Variants in SP100 observed in about 807,000 individuals in gnomAD.
The protein encoded by SP100 is nuclear autoantigen Sp-100.
Under a neutral mutation model 130.0 loss-of-function variants are expected in SP100, and 84 were observed. That is an observed-to-expected ratio of 0.65 (90% CI 0.54 to 0.77). The LOEUF is 0.77. SP100 is among the 30% of genes least tolerant of loss of function. SP100 has a pLI of 0.00. For missense variants in SP100, 978 were observed against 1,052.2 expected, an observed-to-expected ratio of 0.93 and a Z score of 0.97; for synonymous variants, 331 against 351.7, an observed-to-expected ratio of 0.94 and a Z score of 0.66.
chr2:230,497,488 GGAGGAGAGGAGAGGA>G lies in SP100; in HGVS notation c.1646-927_1646-913del, dbSNP rs1201615462. 3.3e-3 allele frequency among the ~76,000 whole-genome samples: 106 copies of G among 32,464 alleles called. 2 individuals carry two copies. The highest frequency in any genetic ancestry group is 5.8e-3 in the African/African-American group (41 of 7,080). The allele number at this position is 32,464 out of a possible 152,430, so 21.3% of individuals were successfully genotyped here. A position where few individuals can be genotyped will look rare whatever the true frequency, so the allele number is the denominator to read the frequency against. On this transcript the variant is annotated intron_variant, in intron 18 of 28. Transcript: ENST00000340126. ...GGGAAGGAGGGGAGGGGAGGGGAGG[GGAGGAGAGGAGAGGA>G]GAGGAGAGGAGAGGAGAGGAGAGGA...
At chr2:230,439,559 G>GTTGTTA (rs1344383881) in intron 2 of SP100, among the ~76,000 whole-genome samples, 4 of 151,674 alleles carry the variant, frequency 2.6e-5, no homozygotes, top group African/African-American at 9.7e-5. Context: ...TTTTGTTGTT[G>GTTGTTA]TTGTTGTTGT....
intron 24 of SP100, chr2:230,520,694 T>A (rs1281378854): frequency 6.6e-6 from 1 of 152,194 alleles, no homozygotes; most frequent in Non-Finnish European, 1.5e-5. Context: ...ATAAATAATT[T>A]GATAACAGTT....
chr2:230,453,792 C>T (rs62193410), intron 8 of SP100, among the ~76,000 whole-genome samples: 13,711 of 152,198 alleles, frequency 0.09, 702 homozygotes, highest in Non-Finnish European at 0.1. Context: ...GCTTTGGTAT[C>T]AGGGTAATGC....
intron 18 of SP100, among the ~76,000 whole-genome samples, chr2:230,496,416 A>G (rs190533733): frequency 6.6e-6 from 1 of 152,270 alleles, no homozygotes; most frequent in African/African-American, 2.4e-5. Context: ...TTTCATCCAC[A>G]CTTCCTCTCC....
chr2:230,455,769 A>T (rs2064244263), intron 8 of SP100, among the ~76,000 whole-genome samples: 1 of 152,004 alleles, frequency 6.6e-6, no homozygotes, highest in South Asian at 2.1e-4. Context: ...ATTCCTCTTT[A>T]TCTTTTGTGT....
At chr2:230,432,508 T>A (rs575082037) in intron 2 of SP100, among the ~76,000 whole-genome samples, 2 of 152,300 alleles carry the variant, frequency 1.3e-5, no homozygotes, top group African/African-American at 4.8e-5. Flanking sequence ...AGGGTTCAAG[T>A]TTTGCTAAAA....
chr2:230,473,369 T>C lies in SP100; in HGVS notation c.1475T>C (p.Met492Thr), dbSNP rs2065371091. 6.2e-7 allele frequency: 1 copy of C among 1,613,992 alleles called. No individual in the cohort carries two copies. The highest frequency in any genetic ancestry group is 1.7e-5 in the Admixed American group (1 of 60,018). Residue 492 changes from methionine (M) to threonine (T), a missense_variant, in exon 16 of 29, where the codon ATG becomes ACG. By Grantham distance (81) the Met-to-Thr change is moderately conservative. Transcript: ENST00000340126. ...GAAAATAAGAAGTGCTCCTGTGTCA[T>C]GTGTTTTCCAAAAGGTGTGCCAAGA... ...EPENKKCSCV[M>T]CFPKGVPRSQ...
At chr2:230,429,265 A>C (rs1032550248) in intron 2 of SP100, among the ~76,000 whole-genome samples, 1 of 152,178 alleles carries the variant, frequency 6.6e-6, no homozygotes, top group Non-Finnish European at 1.5e-5. Context: ...AGCATTTTGA[A>C]CATATCACCC....
intron 2 of SP100, 149 bp downstream of exon 2, chr2:230,417,814 T>C (rs2062654091): frequency 8.2e-7 from 1 of 1,216,892 alleles, no homozygotes; most frequent in South Asian, 1.8e-5. Flanking sequence ...GTTGAGGTGT[T>C]TGTCCTTTTT....
At chr2:230,430,741 T>G (rs1289788077) in intron 2 of SP100, among the ~76,000 whole-genome samples, 1 of 152,232 alleles carries the variant, frequency 6.6e-6, no homozygotes, top group African/African-American at 2.4e-5. Context: ...GATCTCTGGT[T>G]GCTTGGGGCC....
Position 230,417,623 on chromosome 2 carries a change from A to G in SP100, c.65A>G (p.Asn22Ser), listed in dbSNP as rs1373330904. ...RLNECISPVA[N>S]EMNHLPAHSH... ...AATGAATGTATTTCACCAGTAGCAA[A>G]TGAGATGAACCATCTTCCTGCACAC... Residue 22 changes from asparagine (N) to serine (S), a missense_variant, in exon 2 of 29, where the codon AAT (asparagine) becomes AGT (serine). Transcript: ENST00000340126. The G allele has an allele frequency of 6.2e-7, 1 of 1,613,338 alleles. No homozygotes were observed. Among genetic ancestry groups the G allele is most frequent in the African/African-American group, 1.3e-5 (1 of 75,036 alleles).
intron 18 of SP100, among the ~76,000 whole-genome samples, 164 bp downstream of exon 18, chr2:230,494,624 C>G (rs1167131380): frequency 6.6e-6 from 1 of 152,050 alleles, no homozygotes; most frequent in Non-Finnish European, 1.5e-5. Flanking sequence ...CAAACAGATC[C>G]CAAAATACAG....
At chr2:230,528,536 A>G (rs1296514014) in intron 24 of SP100, among the ~76,000 whole-genome samples, 1 of 152,198 alleles carries the variant, frequency 6.6e-6, no homozygotes, top group African/African-American at 2.4e-5. Context: ...GCAAGAGAAA[A>G]CAAATTCAAA....
intron 24 of SP100, among the ~76,000 whole-genome samples, chr2:230,534,757 C>T (rs1021997126): frequency 6.6e-6 from 1 of 152,084 alleles, no homozygotes; most frequent in Non-Finnish European, 1.5e-5. Flanking sequence ...TAATATATGC[C>T]ATCAGTAATA....
intron 25 of SP100, among the ~76,000 whole-genome samples, chr2:230,540,021 G>A (rs1043903497): frequency 2.6e-5 from 4 of 152,160 alleles, no homozygotes; most frequent in African/African-American, 7.2e-5. Flanking sequence ...TAATGGAGGA[G>A]GCTAATGTGA....
At position 230,472,669 on chromosome 2, in the gene SP100, C is replaced by G. The variant is rs192796234; in HGVS notation, c.1430-655C>G. ...TTAAAAGATGAGAGAAAAATGGAGG[C>G]AAGAAGGGGGAAGTGTAAATGGGAG... On this transcript the variant is annotated intron_variant, in intron 15 of 28. Transcript: ENST00000340126. Among the ~76,000 whole-genome samples, 110 of 151,860 alleles carry G rather than the reference C, an allele frequency of 7.2e-4. 1 individual carries two copies. Among genetic ancestry groups the G allele is most frequent in the Non-Finnish European group, 4.1e-4 (28 of 67,926 alleles).
At chr2:230,468,817 C>CAAAAA (rs10617635) in intron 13 of SP100, 207 of 149,586 alleles carry the variant, frequency 1.4e-3, no homozygotes, top group South Asian at 4.5e-3. Context: ...GACCCTGTCT[C>CAAAAA]AAAAAAAAAA....
At chr2:230,456,037 A>G (rs1015432344) in intron 8 of SP100, among the ~76,000 whole-genome samples, 126 of 152,256 alleles carry the variant, frequency 8.3e-4, no homozygotes, top group African/African-American at 2.8e-3. Flanking sequence ...ATATTTTTAT[A>G]TTATTAGTTA....
rs1692274531 is a variant in SP100 at position 230,545,213 on chromosome 2, A to G, written c.*2267A>G. 6.6e-6 allele frequency among the ~76,000 whole-genome samples: 1 copy of G among 152,264 alleles called. No individual in the cohort carries two copies. Among genetic ancestry groups the G allele is most frequent in the South Asian group, 2.1e-4 (1 of 4,834 alleles). ...CCCATCAGTAACAGATTGGATAAAG[A>G]AAATATGGTACACATACACCATGGA... On this transcript the variant is annotated 3_prime_UTR_variant, in exon 29 of 29. Transcript: ENST00000340126.
Sources: allele counts gnomAD v4.1 joint callset (sites outside exome capture counted in the v4.1 genomes callset), GRCh38; gene constraint gnomAD v4.1.1; transcripts MANE v1.5; gene names NCBI Gene and HGNC (gene_info 2026-07-23, HGNC 2026-07-21).